The following ASS1 variants were observed in gnomAD, a reference collection of about 807,000 sequenced individuals.
ASS1 encodes the protein argininosuccinate synthase.
Under a neutral mutation model 60.5 loss-of-function variants are expected in ASS1, and 58 were observed. The observed-to-expected ratio is 0.96, with a 90% CI of 0.78 to 1.19. The LOEUF is 1.19. ASS1 is among the 50% of genes most tolerant of loss of function. The pLI is 0.00. For synonymous variants in ASS1, 200 were observed against 206.9 expected (o/e 0.97, Z 0.29); for missense variants, 454 against 547.3 (o/e 0.83, Z 1.70).
At chr9:130,458,698 G>C (rs1407108225) in intron 4 of ASS1, 109 bp downstream of exon 4, 1 of 1,424,794 alleles carries the variant, frequency 7.0e-7, no homozygotes, top group Non-Finnish European at 9.6e-7. Context: ...GGCAGACTTG[G>C]TGCAAGGCAG....
intron 8 of ASS1, among the ~76,000 whole-genome samples, chr9:130,475,718 C>T (rs990673374): frequency 4.1e-5 from 6 of 144,664 alleles, no homozygotes; most frequent in Admixed American, 7.1e-5. Flanking sequence ...AGATGGGAAG[C>T]AATACGTGAA....
chr9:130,480,082 A>G (rs1846130113), intron 10 of ASS1, among the ~76,000 whole-genome samples: 1 of 152,168 alleles, frequency 6.6e-6, no homozygotes, highest in South Asian at 2.1e-4. Context: ...GGAGGCCAGG[A>G]TAGAAGGAAA....
At chr9:130,458,341 T>C (rs1394543316) in intron 3 of ASS1, 60 bp from the exon 4 acceptor site, 7 of 1,607,648 alleles carry the variant, frequency 4.4e-6, no homozygotes, top group Non-Finnish European at 6.0e-6. Context: ...CCTGGGGCTC[T>C]GTATGCCAGA....
At chr9:130,461,779 AC>A (rs1845601191) in intron 4 of ASS1, among the ~76,000 whole-genome samples, 1 of 151,808 alleles carries the variant, frequency 6.6e-6, no homozygotes, top group Non-Finnish European at 1.5e-5. Context: ...TCAGGCATTT[AC>A]CCCCTGAGTA....
intron 1 of ASS1, among the ~76,000 whole-genome samples, chr9:130,449,411 G>T (rs1005226181): frequency 6.6e-6 from 1 of 151,572 alleles, no homozygotes; most frequent in East Asian, 1.9e-4. Context: ...CTGAGGCGAT[G>T]CAGGTGATCC....
At chr9:130,465,054 A>T (rs199555220) in intron 5 of ASS1, among the ~76,000 whole-genome samples, 14,652 of 71,112 alleles carry the variant, frequency 0.21, 946 homozygotes, top group Non-Finnish European at 0.27. Context: ...ATATATATAT[A>T]TATTTTTTTT....
chr9:130,463,321 C>T (rs1021096717), intron 4 of ASS1, among the ~76,000 whole-genome samples: 2 of 152,244 alleles, frequency 1.3e-5, no homozygotes, highest in African/African-American at 4.8e-5. Flanking sequence ...GCGCTGACCC[C>T]GGCCTCCTCC....
At chr9:130,471,103 G>T (rs1022091122) in intron 7 of ASS1, among the ~76,000 whole-genome samples, 199 bp downstream of exon 7, 1 of 152,210 alleles carries the variant, frequency 6.6e-6, no homozygotes, top group Non-Finnish European at 1.5e-5. Context: ...TGTTGTTGGG[G>T]AGATAGATCA....
chr9:130,495,500 C>CACAT (rs57531289), intron 13 of ASS1, among the ~76,000 whole-genome samples: 8 of 148,370 alleles, frequency 5.4e-5, no homozygotes, highest in Admixed American at 4.7e-4. Context: ...CACACACACA[C>CACAT]ATATATATAT....
chr9:130,465,597 C>T (rs533076459), intron 5 of ASS1, among the ~76,000 whole-genome samples: 1 of 152,350 alleles, frequency 6.6e-6, no homozygotes, highest in East Asian at 1.9e-4. Context: ...CGGGACTGAG[C>T]TCTTTTGAGG....
chr9:130,472,355 C>T (rs1393283386), intron 8 of ASS1, among the ~76,000 whole-genome samples: 1 of 152,118 alleles, frequency 6.6e-6, no homozygotes, highest in Non-Finnish European at 1.5e-5. Context: ...AGGGCCCGGG[C>T]GTCTGTCACT....
chr9:130,454,072 A>T (rs1390467161), intron 2 of ASS1, among the ~76,000 whole-genome samples: 1 of 152,200 alleles, frequency 6.6e-6, no homozygotes, highest in Non-Finnish European at 1.5e-5. Context: ...CAATGCTCCA[A>T]CCCATGGAAG....
rs373976237 is a variant in ASS1, at chr9:130,477,432, A to C, written c.688+471A>C. 3.9e-5 allele frequency among the ~76,000 whole-genome samples: 6 copies of C among 152,274 alleles called. No homozygotes were observed. The East Asian group carries it at 1.2e-3, about 29-fold the overall frequency. Reference sequence around the variant, plus strand: ...TGGACCCCTGGGACCCCACATGGAAAGCCTTCGCCAGTCTTCATTGAGCCG... The same window carrying C: ...TGGACCCCTGGGACCCCACATGGAACGCCTTCGCCAGTCTTCATTGAGCCG... On this transcript the variant is annotated intron_variant, in intron 9 of 14. Transcript: ENST00000352480. The surrounding 1 kb of genome is among the most constrained non-coding windows in gnomAD (Gnocchi z 4.2).
At chr9:130,492,107 T>G (rs1044543407) in intron 12 of ASS1, among the ~76,000 whole-genome samples, 2 of 152,250 alleles carry the variant, frequency 1.3e-5, no homozygotes, top group African/African-American at 4.8e-5. Flanking sequence ...GAACAATGTC[T>G]GGCAGACGAG....
intron 6 of ASS1, among the ~76,000 whole-genome samples, chr9:130,467,578 G>A (rs1351450198): frequency 6.6e-6 from 1 of 152,136 alleles, no homozygotes; most frequent in Non-Finnish European, 1.5e-5. Flanking sequence ...TGCCCCCGCC[G>A]CCAGCAACCC....
chr9:130,457,477 A>T (rs183485239), intron 3 of ASS1, among the ~76,000 whole-genome samples: 2 of 152,234 alleles, frequency 1.3e-5, no homozygotes, highest in African/African-American at 4.8e-5. Flanking sequence ...TCTCAAAAAA[A>T]CAAAAAAAAA....
rs76591463 is a variant in ASS1 at position 130,484,707 on chromosome 9, G to A, written c.838+4258G>A. Among the ~76,000 whole-genome samples, 909 of 151,260 alleles carry A rather than the reference G, an allele frequency of 6.0e-3. 8 individuals are homozygous for A. The highest frequency in any genetic ancestry group is 0.02 in the African/African-American group (824 of 41,158). On this transcript the variant is annotated intron_variant, in intron 11 of 14. Coordinates refer to ENST00000352480, the MANE Select transcript of ASS1 (RefSeq NM_054012.4). ...CAAATTCATAGTCTTTTAGCATCAGGTTTCTGTCACTGTTTTTTTTTTCCA... is the reference window on the plus strand; with the variant it reads ...CAAATTCATAGTCTTTTAGCATCAGATTTCTGTCACTGTTTTTTTTTTCCA...
At position 130,445,594 on chromosome 9, in the gene ASS1, C is replaced by T. The variant is rs530087733; in HGVS notation, c.-6+599C>T. On this transcript the variant is annotated intron_variant, in intron 1 of 14. Transcript: ENST00000352480. ...ACCTGGCCCTCCCCGGTGGGGCTGG[C>T]GGCCTCGCGGCGGGGTTTCCTGCTG... Among the ~76,000 whole-genome samples the T allele has an allele frequency of 5.9e-5, 9 of 152,132 alleles. No homozygotes were observed. In the South Asian group the frequency reaches 1.9e-3, roughly 32 times the overall value.
At chr9:130,458,732 A>G (rs1264893112) in intron 4 of ASS1, 143 bp downstream of exon 4, 7 of 1,177,136 alleles carry the variant, frequency 5.9e-6, no homozygotes, top group Non-Finnish European at 7.2e-6. Context: ...TTTAGACCCC[A>G]ATGAGAGGGG....
Sources: gnomAD v4.1 joint callset for allele counts (sites outside exome capture counted in the v4.1 genomes callset) on GRCh38, gnomAD v4.1.1 for gene constraint, Gnocchi (gnomAD v3.1) non-coding constraint, MANE v1.5 for transcripts, NCBI Gene and HGNC (gene_info 2026-07-23, HGNC 2026-07-21) for gene names.